The following USP34 variants were observed in gnomAD, a reference collection of about 807,000 sequenced individuals.
USP34 encodes ubiquitin carboxyl-terminal hydrolase 34.
In USP34, 70 loss-of-function variants were observed where a neutral mutation model predicts 460.3. That is an observed-to-expected ratio of 0.15 (90% CI 0.13 to 0.19). The LOEUF (loss-of-function observed/expected upper bound fraction) is 0.19. Ranked by LOEUF, USP34 falls within the 10% of genes least tolerant of loss-of-function variation. The pLI, the probability that USP34 is intolerant of heterozygous loss-of-function variation, is 1.00. For synonymous variants in USP34, 1,647 were observed against 1,405.3 expected (o/e 1.17, Z -3.85); for missense variants, 3,985 against 4,236.2 (o/e 0.94, Z 1.65).
At chr2:61,314,283 A>C (rs919665775) in intron 25 of USP34, among the ~76,000 whole-genome samples, 1 of 152,142 alleles carries the variant, frequency 6.6e-6, no homozygotes, top group Non-Finnish European at 1.5e-5. Context: ...CTGCCTTTTT[A>C]ATCAAAGTCA....
intron 44 of USP34, 79 bp from the exon 45 acceptor site, chr2:61,257,429 A>C: frequency 8.3e-7 from 1 of 1,202,570 alleles, no homozygotes; most frequent in South Asian, 2.2e-5. Flanking sequence ...CATATAACAA[A>C]AACAAAAGAA....
At chr2:61,378,913 GAAAAAAAAAAAAA>G (rs34463913) in intron 7 of USP34, among the ~76,000 whole-genome samples, 2 of 57,870 alleles carry the variant, frequency 3.5e-5, no homozygotes, top group South Asian at 2.3e-3. Context: ...TCAAAAAAAC[GAAAAAAAAAAAAA>G]AAAAAAAAAA....
At chr2:61,343,143 CT>C (rs1691657756) in intron 16 of USP34, among the ~76,000 whole-genome samples, 2 of 152,224 alleles carry the variant, frequency 1.3e-5, no homozygotes, top group South Asian at 4.1e-4. Context: ...AACCCATTTA[CT>C]AGGCCAGCAT....
At chr2:61,224,188 A>G (rs971513348) in intron 62 of USP34, among the ~76,000 whole-genome samples, 1 of 152,228 alleles carries the variant, frequency 6.6e-6, no homozygotes, top group Non-Finnish European at 1.5e-5. Context: ...TGCCATAATT[A>G]GTTGAAAAGT....
At chr2:61,216,109 A>C (rs758344171) in intron 67 of USP34, among the ~76,000 whole-genome samples, 1 of 152,190 alleles carries the variant, frequency 6.6e-6, no homozygotes, top group African/African-American at 2.4e-5. Flanking sequence ...TTATTTTACA[A>C]ATTTATTTCC....
At chr2:61,397,262 C>T (rs896115566) in intron 3 of USP34, among the ~76,000 whole-genome samples, 3 of 149,306 alleles carry the variant, frequency 2.0e-5, no homozygotes, top group African/African-American at 7.4e-5. Flanking sequence ...GGCCAACATA[C>T]TGAAACCCTG....
intron 58 of USP34, among the ~76,000 whole-genome samples, chr2:61,231,642 G>C (rs761947247): frequency 2.0e-5 from 3 of 151,764 alleles, no homozygotes; most frequent in Non-Finnish European, 2.9e-5. Context: ...TTGAGCCCAG[G>C]AGGTGGAAGC....
intron 1 of USP34, among the ~76,000 whole-genome samples, chr2:61,464,144 A>C (rs1475085654): frequency 1.3e-5 from 2 of 152,136 alleles, no homozygotes; most frequent in Non-Finnish European, 2.9e-5. Context: ...ACTGGTGAAA[A>C]TTAGTCTCGA....
intron 10 of USP34, among the ~76,000 whole-genome samples, chr2:61,355,519 A>G (rs1692075985): frequency 6.6e-6 from 1 of 152,216 alleles, no homozygotes; most frequent in Non-Finnish European, 1.5e-5. Flanking sequence ...TATAAATTGA[A>G]ATTAGATTGT....
rs1688418813 is a variant in USP34, at chr2:61,246,396, G to A, written c.6476C>T (p.Thr2159Met). Residue 2159 changes from threonine (T) to methionine (M), a missense_variant, in exon 50 of 80, where the codon ACG (threonine) becomes ATG (methionine). Around this residue, in one of 14 missense-constraint regions of USP34, gnomAD observed 70 missense variants for 78.1 expected, o/e 0.90. Transcript: ENST00000398571. ...GCTATAATAGTGTCCACCATCTGCC[G>A]TTCCTGTGTGAACAGTCACTCCTAT... ...DLIGVTVHTG[T>M]ADGGHYYSFI... is the part of the protein sequence containing the mutation. 6.2e-7 allele frequency: 1 copy of A among 1,610,656 alleles called. No individual in the cohort carries two copies. Among genetic ancestry groups the A allele is most frequent in the Non-Finnish European group, 8.5e-7 (1 of 1,178,034 alleles).
chr2:61,335,455 A>G (rs577172530), intron 18 of USP34, among the ~76,000 whole-genome samples: 32 of 152,364 alleles, frequency 2.1e-4, no homozygotes, highest in African/African-American at 7.5e-4. Context: ...ATGGGCAACC[A>G]CAAAGGCTCA....
chr2:61,190,681 G>A, intron 76 of USP34, 23 bp from the exon 77 acceptor site: 1 of 1,605,578 alleles, frequency 6.2e-7, no homozygotes, highest in Non-Finnish European at 8.5e-7. Flanking sequence ...GAAGATGGTT[G>A]AGCACTTACG....
chr2:61,384,280 AG>A (rs1693067714), intron 5 of USP34, among the ~76,000 whole-genome samples: 1 of 152,234 alleles, frequency 6.6e-6, no homozygotes, highest in Non-Finnish European at 1.5e-5. Context: ...ATTATATAAC[AG>A]TTTTATTTTC....
At chr2:61,374,400 T>C (rs1032213042) in intron 8 of USP34, among the ~76,000 whole-genome samples, 3 of 152,144 alleles carry the variant, frequency 2.0e-5, no homozygotes, top group Non-Finnish European at 4.4e-5. Context: ...AACTCATCCA[T>C]TTGCTGCATT....
At chr2:61,380,062 T>A in intron 7 of USP34, 107 bp downstream of exon 7, 1 of 890,254 alleles carries the variant, frequency 1.1e-6, no homozygotes, top group Non-Finnish European at 1.6e-6. Context: ...CCACATAAAA[T>A]ACTTAGCACA....
chr2:61,347,534 C>T lies in USP34; in HGVS notation c.2285+336G>A, dbSNP rs1337158981. On this transcript the variant is annotated intron_variant, in intron 15 of 79. Transcript: ENST00000398571. ...GATTACAGGCGTGCACCACCATGCC[C>T]GGCTAATTTTTCTATTTTTAGTAGA... is the stretch of plus-strand genomic sequence containing the variant. Among the ~76,000 whole-genome samples, 7 of 151,930 alleles carry T rather than the reference C, an allele frequency of 4.6e-5. No individual in the cohort carries two copies. The East Asian group carries it at 9.7e-4, about 21-fold the overall frequency.
chr2:61,417,854 T>G (rs1258385678), intron 2 of USP34, among the ~76,000 whole-genome samples: 10 of 144,998 alleles, frequency 6.9e-5, no homozygotes, highest in African/African-American at 2.5e-4. Context: ...TGATTCTCCT[T>G]CCTCAGGCTC....
At chr2:61,271,911 T>C (rs1278889766) in intron 41 of USP34, among the ~76,000 whole-genome samples, 1 of 152,252 alleles carries the variant, frequency 6.6e-6, no homozygotes, top group East Asian at 1.9e-4. Flanking sequence ...TTTAAATATC[T>C]TGGAGTTAAG....
At chr2:61,217,418 T>G (rs1687434461) in intron 67 of USP34, among the ~76,000 whole-genome samples, 1 of 152,250 alleles carries the variant, frequency 6.6e-6, no homozygotes, top group Non-Finnish European at 1.5e-5. Flanking sequence ...TTTTCTTTTA[T>G]ACATGTTATT....
Sources: gnomAD v4.1 joint callset for allele counts (sites outside exome capture counted in the v4.1 genomes callset) on GRCh38, gnomAD v4.1.1 for gene constraint, gnomAD v4.1.1 regional missense constraint, MANE v1.5 for transcripts, NCBI Gene and HGNC (gene_info 2026-07-23, HGNC 2026-07-21) for gene names.